The following EYS variants were observed in gnomAD, a reference collection of about 807,000 sequenced individuals.
The protein encoded by EYS is protein eyes shut homolog.
In EYS, 250 loss-of-function variants were observed where a neutral mutation model predicts 282.1. The ratio of observed to expected loss-of-function variants is 0.89; its 90% CI spans 0.80 to 0.98. The LOEUF is 0.98. EYS is among the 50% of genes least tolerant of loss of function. The pLI is 0.00. For missense variants in EYS, 4,016 were observed against 3,709.0 expected, an observed-to-expected ratio of 1.08 and a Z score of -2.15; for synonymous variants, 1,355 against 1,282.9, an observed-to-expected ratio of 1.06 and a Z score of -1.20.
chr6:63,873,712 G>A (rs1466314730), intron 35 of EYS, among the ~76,000 whole-genome samples: 1 of 152,138 alleles, frequency 6.6e-6, no homozygotes, highest in East Asian at 1.9e-4. Context: ...GGTATGAGAT[G>A]GTATCTCATG....
At position 64,697,378 on chromosome 6, in the gene EYS, A is replaced by G. The variant is rs111819612; in HGVS notation, c.3444-71133T>C. Among the ~76,000 whole-genome samples, 13 of 152,326 alleles carry G rather than the reference A, an allele frequency of 8.5e-5. 1 individual carries two copies. The highest frequency in any genetic ancestry group is 3.1e-4 in the African/African-American group (13 of 41,588). The stretch of plus-strand genomic sequence containing the variant: ...ATGCACCCCAAACTGGAGAACCCAC[A>G]TTCGTAAAACAAATATTATTAGACC... On this transcript the variant is annotated intron_variant, in intron 22 of 42. Coordinates refer to ENST00000503581, the MANE Select transcript of EYS (RefSeq NM_001142800.2).
In EYS at chr6:64,685,565, C is replaced by T. The variant is rs980868412; in HGVS notation, c.3444-59320G>A. 2.0e-5 allele frequency among the ~76,000 whole-genome samples: 3 copies of T among 152,272 alleles called. No homozygotes were observed. In the South Asian group the frequency reaches 6.2e-4, roughly 32 times the overall value. On this transcript the variant is annotated intron_variant, in intron 22 of 42. Coordinates refer to ENST00000503581, the MANE Select transcript of EYS (RefSeq NM_001142800.2). ...GGCACCTCCAGTCTCTCTCTTGCTT[C>T]CTCTCTTGCCATGTGATCTCTGCAC...
intron 12 of EYS, among the ~76,000 whole-genome samples, chr6:65,155,346 G>C (rs1006814878): frequency 1.1e-4 from 17 of 151,412 alleles, no homozygotes; most frequent in Non-Finnish European, 5.9e-5. Flanking sequence ...CCCACACCAA[G>C]AGCTTTGCCA....
intron 2 of EYS, among the ~76,000 whole-genome samples, chr6:65,590,686 G>A (rs908282301): frequency 1.3e-5 from 2 of 151,906 alleles, no homozygotes; most frequent in Non-Finnish European, 2.9e-5. Flanking sequence ...ACTTCTAGAA[G>A]ATCAACTTTT....
intron 12 of EYS, among the ~76,000 whole-genome samples, chr6:65,251,774 G>T (rs950253341): frequency 4.6e-5 from 7 of 151,994 alleles, no homozygotes; most frequent in African/African-American, 1.7e-4. Flanking sequence ...AGAGAGTGAT[G>T]GGAGAACTCT....
intron 32 of EYS, among the ~76,000 whole-genome samples, chr6:64,080,067 A>C (rs1408125593): frequency 6.6e-6 from 1 of 152,202 alleles, no homozygotes. Flanking sequence ...GATTTATAAT[A>C]CTTTGGGTAT....
intron 2 of EYS, among the ~76,000 whole-genome samples, chr6:65,554,578 T>A (rs1387536042): frequency 1.3e-5 from 2 of 152,194 alleles, no homozygotes; most frequent in African/African-American, 4.8e-5. Flanking sequence ...GCTATCTGCC[T>A]TCTACAGTAA....
chr6:64,934,135 TAA>T (rs753698919), intron 15 of EYS, among the ~76,000 whole-genome samples: 1 of 144,520 alleles, frequency 6.9e-6, no homozygotes, highest in African/African-American at 2.5e-5. Flanking sequence ...TAAAGTATAT[TAA>T]AAAAAAAAAG....
chr6:64,694,114 T>C (rs928630977), intron 22 of EYS, among the ~76,000 whole-genome samples: 16 of 152,190 alleles, frequency 1.1e-4, no homozygotes, highest in Non-Finnish European at 2.2e-4. Flanking sequence ...AGTTAAATGA[T>C]AGTAGCTGAA....
intron 35 of EYS, among the ~76,000 whole-genome samples, chr6:63,937,032 C>T (rs758077223): frequency 1.3e-5 from 2 of 152,104 alleles, no homozygotes; most frequent in Non-Finnish European, 2.9e-5. Context: ...CTGGTACTGC[C>T]TAGGAGAGAG....
At chr6:64,697,897 G>A (rs911801368) in intron 22 of EYS, among the ~76,000 whole-genome samples, 12 of 152,036 alleles carry the variant, frequency 7.9e-5, no homozygotes, top group African/African-American at 2.9e-4. Flanking sequence ...AGCTGAGATT[G>A]TACCACTGCA....
chr6:64,900,956 G>A (rs1689966688), intron 18 of EYS, among the ~76,000 whole-genome samples: 1 of 151,812 alleles, frequency 6.6e-6, no homozygotes, highest in South Asian at 2.1e-4. Context: ...GTTTATTGCA[G>A]CACTATTAAC....
chr6:64,800,938 T>C (rs956030694), intron 22 of EYS, among the ~76,000 whole-genome samples: 1 of 152,044 alleles, frequency 6.6e-6, no homozygotes, highest in African/African-American at 2.4e-5. Flanking sequence ...GAAGCACACA[T>C]TAAGCACAAT....
At position 65,652,372 on chromosome 6, in the gene EYS, T is replaced by C. The variant is rs551505251; in HGVS notation, c.-447-12480A>G. 2.5e-4 allele frequency among the ~76,000 whole-genome samples: 38 copies of C among 152,052 alleles called. No homozygotes were observed. In the South Asian group the frequency reaches 7.1e-3, roughly 28 times the overall value. On this transcript the variant is annotated intron_variant, in intron 1 of 42. Coordinates refer to ENST00000503581, the MANE Select transcript of EYS (RefSeq NM_001142800.2). ...ACGAGTTAGATGTTTATTGAGGCAA[T>C]TGGAGGAAAAATTGTGCTGAAGTTA...
At chr6:65,142,198 C>A (rs529464776) in intron 12 of EYS, among the ~76,000 whole-genome samples, 1 of 151,842 alleles carries the variant, frequency 6.6e-6, no homozygotes, top group Non-Finnish European at 1.5e-5. Flanking sequence ...CTCAAATATA[C>A]ACAAGAACAG....
intron 35 of EYS, among the ~76,000 whole-genome samples, chr6:63,980,597 G>A (rs573556621): frequency 1.3e-5 from 2 of 151,780 alleles, no homozygotes; most frequent in South Asian, 2.1e-4. Context: ...ATTTCATCAG[G>A]CCATCTTGTC....
At chr6:64,044,151 C>T (rs563774447) in intron 33 of EYS, among the ~76,000 whole-genome samples, 1 of 152,278 alleles carries the variant, frequency 6.6e-6, no homozygotes, top group African/African-American at 2.4e-5. Flanking sequence ...ACGGTCTTTT[C>T]AGCAAAAAAT....
At chr6:65,609,556 T>C (rs1018497190) in intron 2 of EYS, among the ~76,000 whole-genome samples, 1 of 152,044 alleles carries the variant, frequency 6.6e-6, no homozygotes, top group African/African-American at 2.4e-5. Context: ...GAATATCACT[T>C]TTTATTTCCT....
At chr6:64,797,285 T>G (rs1774382407) in intron 22 of EYS, among the ~76,000 whole-genome samples, 1 of 152,012 alleles carries the variant, frequency 6.6e-6, no homozygotes, top group Admixed American at 6.6e-5. Flanking sequence ...AATTAAACAT[T>G]TAAGGCACAG....
Sources: allele counts gnomAD v4.1 joint callset (sites outside exome capture counted in the v4.1 genomes callset), GRCh38; gene constraint gnomAD v4.1.1; transcripts MANE v1.5; gene names NCBI Gene and HGNC (gene_info 2026-07-23, HGNC 2026-07-21).